The following DYNC1LI1 variants were observed in gnomAD, a reference collection of about 807,000 sequenced individuals.
DYNC1LI1 encodes cytoplasmic dynein 1 light intermediate chain 1.
Under a neutral mutation model 63.8 loss-of-function variants are expected in DYNC1LI1, and 19 were observed. The ratio of observed to expected loss-of-function variants is 0.30; its 90% CI spans 0.21 to 0.44. The LOEUF (loss-of-function observed/expected upper bound fraction) is 0.44, where lower values mean the gene tolerates loss of function less well. Ranked by LOEUF, DYNC1LI1 falls within the 20% of genes least tolerant of loss-of-function variation. DYNC1LI1 has a pLI of 1.00. For synonymous variants in DYNC1LI1, 225 were observed against 232.3 expected (o/e 0.97, Z 0.28); for missense variants, 565 against 630.2 (o/e 0.90, Z 1.11).
intron 2 of DYNC1LI1, among the ~76,000 whole-genome samples, chr3:32,547,577 C>G (rs1321632491): frequency 6.6e-6 from 1 of 152,108 alleles, no homozygotes; most frequent in African/African-American, 2.4e-5. Flanking sequence ...CAAGGTGAAG[C>G]CAAGTGATGC....
Position 32,537,902 on chromosome 3 carries a change from T to TATATATATAATTTATATATATA in DYNC1LI1, c.739-799_739-798insTATATATATAAATTATATATAT, listed in dbSNP as rs1344549361. On this transcript the variant is annotated intron_variant, in intron 5 of 12. Coordinates refer to ENST00000273130, the MANE Select transcript of DYNC1LI1 (RefSeq NM_016141.4). ...ATATATATATAATTTATATATATAA[T>TATATATATAATTTATATATATA]ATATATATATAATTTATATATATAA... 1.0e-4 allele frequency among the ~76,000 whole-genome samples: 5 copies of TATATATATAATTTATATATATA among 50,024 alleles called. 1 individual carries two copies. Among genetic ancestry groups the TATATATATAATTTATATATATA allele is most frequent in the South Asian group, 9.1e-4 (2 of 2,194 alleles). The allele number at this position is 50,024 out of a possible 152,430, so 32.8% of individuals were successfully genotyped here.
intron 12 of DYNC1LI1, among the ~76,000 whole-genome samples, chr3:32,527,205 G>A: frequency 6.6e-6 from 1 of 152,102 alleles, no homozygotes; most frequent in Non-Finnish European, 1.5e-5. Context: ...GCTGAGGCAG[G>A]AGAACTGCTT....
intron 5 of DYNC1LI1, among the ~76,000 whole-genome samples, chr3:32,537,912 T>TAA (rs1553617860): frequency 4.0e-5 from 3 of 74,174 alleles, no homozygotes; most frequent in African/African-American, 2.0e-4. Context: ...TATATATATA[T>TAA]AATTTATATA....
chr3:32,536,884 C>T, intron 6 of DYNC1LI1, 127 bp downstream of exon 6: 1 of 557,066 alleles, frequency 1.8e-6, no homozygotes, highest in Non-Finnish European at 3.2e-6. Flanking sequence ...AATGAAATTT[C>T]CAACCAGAGA....
At chr3:32,528,657 AATT>A (rs377756538) in intron 11 of DYNC1LI1, 56 bp from the exon 12 acceptor site, 14 of 1,503,700 alleles carry the variant, frequency 9.3e-6, no homozygotes, top group Non-Finnish European at 1.2e-5. Context: ...TTCTTCCTTA[AATT>A]ATTATTACAG....
chr3:32,542,396 C>G (rs142906935), intron 4 of DYNC1LI1, among the ~76,000 whole-genome samples: 1 of 150,874 alleles, frequency 6.6e-6, no homozygotes, highest in Non-Finnish European at 1.5e-5. Flanking sequence ...CCACTGTGAC[C>G]GGCTATTTTC....
At chr3:32,561,013 AAAAAAAAAAAAAAAAAAAAACAAAC>A (rs1220219092) in intron 2 of DYNC1LI1, among the ~76,000 whole-genome samples, 9 of 109,574 alleles carry the variant, frequency 8.2e-5, no homozygotes, top group African/African-American at 3.3e-4. Context: ...AAAAAAAAAA[AAAAAAAAAAAAAAAAAAAAACAAAC>A]AAAAAAAACA....
At chr3:32,563,289 CTTTTTT>C (rs1292071061) in intron 2 of DYNC1LI1, among the ~76,000 whole-genome samples, 1 of 133,978 alleles carries the variant, frequency 7.5e-6, no homozygotes, top group Admixed American at 7.7e-5. Context: ...TGGTCACTTA[CTTTTTT>C]TTTTTTTTTT....
At chr3:32,563,805 A>G (rs1698224480) in intron 2 of DYNC1LI1, among the ~76,000 whole-genome samples, 1 of 152,232 alleles carries the variant, frequency 6.6e-6, no homozygotes, top group African/African-American at 2.4e-5. Flanking sequence ...GGGAAATATT[A>G]TATGAAGTCC....
intron 4 of DYNC1LI1, among the ~76,000 whole-genome samples, chr3:32,543,611 T>C (rs911475945): frequency 6.6e-6 from 1 of 150,796 alleles, no homozygotes; most frequent in African/African-American, 2.4e-5. Flanking sequence ...TTTCACCATC[T>C]TGGCCAGGCT....
chr3:32,526,796 T>G lies in DYNC1LI1; in HGVS notation c.*3A>C, dbSNP rs1697624614. On this transcript the variant is annotated 3_prime_UTR_variant, in exon 13 of 13. Transcript: ENST00000273130. ...ACAGAATAAATGGCTTTATTTGGTA[T>G]CTTCAAGAAGCTTCTCCTTCCGTAG... The G allele has an allele frequency of 6.3e-7, 1 of 1,597,586 alleles. No individual in the cohort carries two copies. The highest frequency in any genetic ancestry group is 1.3e-5 in the African/African-American group (1 of 74,452).
Position 32,570,377 on chromosome 3 carries a change from C to T in DYNC1LI1, c.189G>A (p.Lys63=). The change falls in exon 2 of 13, where the codon AAG becomes AAA. Residue 63 remains lysine (K), a synonymous_variant. Transcript: ENST00000273130. ...LSEVSTRSRS[K]LPAGKNVLLL... ...GTAGCACGTTCTTCCCCGCAGGGAG[C>T]TTGGAGCGCGAGCGGGTGGAGACCT... 6.2e-7 allele frequency: 1 copy of T among 1,605,686 alleles called. No homozygotes were observed. Among genetic ancestry groups the T allele is most frequent in the South Asian group, 1.1e-5 (1 of 89,600 alleles).
chr3:32,526,507 A>C lies in DYNC1LI1; in HGVS notation c.*292T>G, dbSNP rs1697619750. 9.3e-6 allele frequency: 2 copies of C among 216,058 alleles called. No individual in the cohort carries two copies. The highest frequency in any genetic ancestry group is 2.0e-4 in the East Asian group (2 of 10,232). The allele number at this position is 216,058 out of a possible 1,614,324, so 13.4% of individuals were successfully genotyped here. A position where few individuals can be genotyped will look rare whatever the true frequency, so the allele number is the denominator to read the frequency against. On this transcript the variant is annotated 3_prime_UTR_variant, in exon 13 of 13. Coordinates refer to ENST00000273130, the MANE Select transcript of DYNC1LI1 (RefSeq NM_016141.4). ...TTAAATAGCCTTTAGAATATGATCGATCACATGGCTGTATTTCAGATCTAA... is the reference window on the plus strand; with the variant it reads ...TTAAATAGCCTTTAGAATATGATCGCTCACATGGCTGTATTTCAGATCTAA...
chr3:32,550,604 C>A (rs1698022896), intron 2 of DYNC1LI1, among the ~76,000 whole-genome samples: 1 of 152,192 alleles, frequency 6.6e-6, no homozygotes, highest in African/African-American at 2.4e-5. Flanking sequence ...TGTTGTCAAT[C>A]ATTCGTTTCA....
At chr3:32,570,219 C>A in intron 2 of DYNC1LI1, 127 bp downstream of exon 2, 1 of 814,620 alleles carries the variant, frequency 1.2e-6, no homozygotes, top group Non-Finnish European at 2.1e-6. Context: ...CGCGACAGGT[C>A]GGGAGGCGAG....
chr3:32,569,941 T>C (rs1195797734), intron 2 of DYNC1LI1, among the ~76,000 whole-genome samples: 1 of 152,262 alleles, frequency 6.6e-6, no homozygotes, highest in Non-Finnish European at 1.5e-5. Flanking sequence ...GAGTCAGCTA[T>C]TAAATATTAA....
rs772465213 is a variant in DYNC1LI1 at position 32,534,535 on chromosome 3, A to G, written c.944T>C (p.Val315Ala). The stretch of plus-strand genomic sequence containing the variant: ...CATAAATACTGCATCCTTTTCCACA[A>G]CAACAGCAGGAATCTTATAGGGAAA... ...YGFPYKIPAV[V>A]VEKDAVFIPA... The change falls in exon 7 of 13, where the codon GTT becomes GCT. Residue 315 changes from valine to alanine, a missense_variant. Coordinates refer to ENST00000273130, the MANE Select transcript of DYNC1LI1 (RefSeq NM_016141.4). 4 of 1,592,158 alleles carry G rather than the reference A, an allele frequency of 2.5e-6. No homozygotes were observed. Among genetic ancestry groups the G allele is most frequent in the Non-Finnish European group, 2.6e-6 (3 of 1,165,016 alleles).
At chr3:32,531,795 A>G (rs929452649) in intron 8 of DYNC1LI1, 4 of 152,204 alleles carry the variant, frequency 2.6e-5, no homozygotes, top group African/African-American at 9.6e-5. Flanking sequence ...ATATGTCAAG[A>G]TTAAAGTCAG....
At chr3:32,558,233 A>AAAC (rs1428516720) in intron 2 of DYNC1LI1, among the ~76,000 whole-genome samples, 1 of 151,926 alleles carries the variant, frequency 6.6e-6, no homozygotes, top group Admixed American at 6.6e-5. Context: ...ACCCTGTCTC[A>AAAC]AACAACAACA....
Sources: allele counts gnomAD v4.1 joint callset (sites outside exome capture counted in the v4.1 genomes callset), GRCh38; gene constraint gnomAD v4.1.1; transcripts MANE v1.5; gene names NCBI Gene and HGNC (gene_info 2026-07-23, HGNC 2026-07-21).